Variants in WEE2 observed in about 807,000 individuals in gnomAD.
WEE2 encodes the protein WEE2 oocyte meiosis inhibiting kinase.
Under a neutral mutation model 60.1 loss-of-function variants are expected in WEE2, and 50 were observed. That is an observed-to-expected ratio of 0.83 (90% CI 0.66 to 1.05). WEE2 has a LOEUF of 1.05. WEE2 is among the 50% of genes least tolerant of loss of function. The pLI is 0.00. For synonymous variants in WEE2, 240 were observed against 241.0 expected, an observed-to-expected ratio of 1.00 and a Z score of 0.04; for missense variants, 631 against 684.3, an observed-to-expected ratio of 0.92 and a Z score of 0.87.
chr7:141,716,382 C>T, intron 3 of WEE2, 115 bp downstream of exon 3: 1 of 982,594 alleles, frequency 1.0e-6, no homozygotes, highest in Non-Finnish European at 1.5e-6. Flanking sequence ...TCCCTACCCT[C>T]CCTTTTCTCC....
chr7:141,729,695 A>T (rs1204118169), intron 11 of WEE2, 22 bp downstream of exon 11: 2 of 1,599,296 alleles, frequency 1.3e-6, no homozygotes, highest in Non-Finnish European at 1.7e-6. Context: ...TCCCCTTAAG[A>T]ACTCATTTTG....
intron 8 of WEE2, 110 bp downstream of exon 8, chr7:141,724,385 G>A (rs1798974485): frequency 1.5e-5 from 14 of 934,860 alleles, no homozygotes; most frequent in Admixed American, 7.6e-5. Context: ...TTATAGTACC[G>A]CTCTTCCCAT....
At chr7:141,713,612 G>C (rs1210080455) in intron 1 of WEE2, among the ~76,000 whole-genome samples, 1 of 152,170 alleles carries the variant, frequency 6.6e-6, no homozygotes, top group East Asian at 1.9e-4. Flanking sequence ...TTCTCAGTTA[G>C]TGCTTTATTT....
At chr7:141,724,081 T>C in intron 7 of WEE2, 33 bp downstream of exon 7, 1 of 1,579,572 alleles carries the variant, frequency 6.3e-7, no homozygotes, top group East Asian at 2.2e-5. Context: ...CCAGTTACCA[T>C]TATCCTATAA....
chr7:141,708,569 C>T lies in WEE2; in HGVS notation c.-190C>T. On this transcript the variant is annotated 5_prime_UTR_variant, in exon 1 of 12. Coordinates refer to ENST00000397541, the MANE Select transcript of WEE2 (RefSeq NM_001105558.1). ...AATGGAAATCAGGATAAGCTGAGGTCTTATAGATTGGTGGTACTTAAGGCA... is the reference window on the plus strand; with the variant it reads ...AATGGAAATCAGGATAAGCTGAGGTTTTATAGATTGGTGGTACTTAAGGCA... The T allele has an allele frequency of 1.7e-6, 1 of 600,876 alleles. No homozygotes were observed. The highest frequency in any genetic ancestry group is 3.0e-6 in the Non-Finnish European group (1 of 338,518). The allele number at this position is 600,876 out of a possible 1,614,324, so 37.2% of individuals were successfully genotyped here.
intron 8 of WEE2, 97 bp downstream of exon 8, chr7:141,724,372 T>C: frequency 1.9e-6 from 2 of 1,043,360 alleles, no homozygotes; most frequent in South Asian, 3.0e-5. Flanking sequence ...TGTATATTTA[T>C]CATTATAGTA....
In WEE2 at chr7:141,721,041, A is replaced by G; in HGVS notation, c.865A>G (p.Asn289Asp). ...WAEDDHMIIQ[N>D]EYCNGGSLQA... ...AGAAGATGACCACATGATCATTCAG[A>G]ATGAATACTGCAATGGTAAGTAGTA... Residue 289 changes from asparagine to aspartate, a missense_variant, in exon 5 of 12, where the codon AAT becomes GAT. Coordinates refer to ENST00000397541, the MANE Select transcript of WEE2 (RefSeq NM_001105558.1). 6.2e-7 allele frequency: 1 copy of G among 1,614,224 alleles called. No individual in the cohort carries two copies. The highest frequency in any genetic ancestry group is 8.5e-7 in the Non-Finnish European group (1 of 1,180,018).
At position 141,708,763 on chromosome 7, in the gene WEE2, A is replaced by G. The variant is rs931578527; in HGVS notation, c.5A>G (p.Asp2Gly). ...TTGTAAAGCTCTTTGGCTGAGATGGATGACAAAGATATTGACAAAGAACTA... is the reference window on the plus strand; with the variant it reads ...TTGTAAAGCTCTTTGGCTGAGATGGGTGACAAAGATATTGACAAAGAACTA... The part of the protein sequence containing the change: M[D>G]DKDIDKELRQ... The change falls in exon 1 of 12, where the codon GAT becomes GGT. Residue 2 changes from aspartate to glycine, a missense_variant. Physicochemically the swap from Asp to Gly is moderately conservative, Grantham distance 94. Coordinates refer to ENST00000397541, the MANE Select transcript of WEE2 (RefSeq NM_001105558.1). The G allele has an allele frequency of 1.2e-6, 2 of 1,612,484 alleles. No individual in the cohort carries two copies. Among genetic ancestry groups the G allele is most frequent in the South Asian group, 1.1e-5 (1 of 90,988 alleles).
chr7:141,716,156 C>A, intron 2 of WEE2, 66 bp from the exon 3 acceptor site: 1 of 1,358,596 alleles, frequency 7.4e-7, no homozygotes, highest in Non-Finnish European at 1.0e-6. Flanking sequence ...ATCCCTAGAA[C>A]CTAGCATAGT....
chr7:141,720,348 T>C (rs1798888699), intron 4 of WEE2, among the ~76,000 whole-genome samples: 1 of 152,050 alleles, frequency 6.6e-6, no homozygotes, highest in African/African-American at 2.4e-5. Context: ...CTGAGATTCA[T>C]CAAGTACTCT....
At chr7:141,719,770 T>A (rs1798873116) in intron 4 of WEE2, among the ~76,000 whole-genome samples, 1 of 152,154 alleles carries the variant, frequency 6.6e-6, no homozygotes, top group South Asian at 2.1e-4. Flanking sequence ...GGTGTTTTGT[T>A]TTGTTTTGTT....
rs373476085 is a variant in WEE2, at chr7:141,729,522, G to A, written c.1536-9G>A. 57 of 1,613,914 alleles carry A rather than the reference G, an allele frequency of 3.5e-5. No individual in the cohort carries two copies. Among genetic ancestry groups the A allele is most frequent in the Admixed American group, 1.0e-4 (6 of 59,972 alleles). ...AAGTAGCCTTTGCTTTTTCTCCCTC[G>A]CACTTCAGGGAACTGAGAGAAGCCC... On this transcript the variant is annotated splice_polypyrimidine_tract_variant and intron_variant, in intron 10 of 11. Transcript: ENST00000397541.
Position 141,711,902 on chromosome 7 carries a change from CAGGA to C in WEE2, c.343-2300_343-2297del, listed in dbSNP as rs1248968230. On this transcript the variant is annotated intron_variant, in intron 1 of 11. Coordinates refer to ENST00000397541, the MANE Select transcript of WEE2 (RefSeq NM_001105558.1). The surrounding 1 kb of genome is among the most constrained non-coding windows in gnomAD (Gnocchi z 4.2). ...AAAAAGTGAGACAGTGGAAGCAAGA[CAGGA>C]AGGAAGTGTCAGGCTCATTTTAAAC... The C allele has an allele frequency of 6.6e-6, 1 of 152,164 alleles. No homozygotes were observed. Among genetic ancestry groups the C allele is most frequent in the Non-Finnish European group, 1.5e-5 (1 of 68,054 alleles). The allele number at this position is 152,164 out of a possible 1,614,324, so 9.4% of individuals were successfully genotyped here.
intron 1 of WEE2, among the ~76,000 whole-genome samples, chr7:141,710,241 G>C (rs1315154596): frequency 6.6e-6 from 1 of 152,122 alleles, no homozygotes; most frequent in Non-Finnish European, 1.5e-5. Context: ...TATGCCAAAA[G>C]GCACTATGTG....
At chr7:141,730,236 T>C in intron 11 of WEE2, 59 bp from the exon 12 acceptor site, 2 of 1,556,444 alleles carry the variant, frequency 1.3e-6, no homozygotes, top group Non-Finnish European at 1.8e-6. Context: ...TTCTCTATTG[T>C]TATATTCCTA....
intron 1 of WEE2, 120 bp from the exon 2 acceptor site, chr7:141,714,089 C>T: frequency 1.3e-6 from 1 of 778,450 alleles, no homozygotes; most frequent in Non-Finnish European, 2.1e-6. Flanking sequence ...CACATGGAAC[C>T]AGATAATTTC....
In WEE2 at chr7:141,727,292, CTATATCA is replaced by C; in HGVS notation, c.1393-10_1393-4del. ...AGCTTCTGTTTCTTTCCTCTTGGTC[CTATATCA>C]TCAGAACATGATCCAACCTGATGCC... On this transcript the variant is annotated splice_polypyrimidine_tract_variant and splice_region_variant and intron_variant, in intron 9 of 11. Transcript: ENST00000397541. 1 of 1,611,156 alleles carries C rather than the reference CTATATCA, an allele frequency of 6.2e-7. No homozygotes were observed. The highest frequency in any genetic ancestry group is 2.2e-5 in the East Asian group (1 of 44,854).
intron 1 of WEE2, 50 bp from the exon 2 acceptor site, chr7:141,714,159 A>C: frequency 1.4e-6 from 2 of 1,437,874 alleles, no homozygotes; most frequent in Non-Finnish European, 1.9e-6. Context: ...ACTGATAAGG[A>C]ATGTCTTTAC....
chr7:141,708,716 C>A lies in WEE2; in HGVS notation c.-43C>A. ...TTCTGTAGGTTCACAGCGTTCCCTT[C>A]TGATAGAGCTTTTTGTCTGTGTTGT... On this transcript the variant is annotated 5_prime_UTR_variant, in exon 1 of 12. The change creates a new upstream start codon in the 5' untranslated region. Coordinates refer to ENST00000397541, the MANE Select transcript of WEE2 (RefSeq NM_001105558.1). The A allele has an allele frequency of 1.3e-6, 2 of 1,545,944 alleles. No homozygotes were observed. The highest frequency in any genetic ancestry group is 1.2e-5 in the South Asian group (1 of 84,898).
Sources: gnomAD v4.1 joint callset for allele counts (sites outside exome capture counted in the v4.1 genomes callset) on GRCh38, gnomAD v4.1.1 for gene constraint, Gnocchi (gnomAD v3.1) non-coding constraint, MANE v1.5 for transcripts, NCBI Gene and HGNC (gene_info 2026-07-23, HGNC 2026-07-21) for gene names.